SERP2: variants seen among roughly 807,000 people sequenced by gnomAD.
SERP2 encodes stress-associated endoplasmic reticulum protein 2.
Under a neutral mutation model 9.1 loss-of-function variants are expected in SERP2, and 6 were observed. That is an observed-to-expected ratio of 0.66 (90% confidence interval 0.36 to 1.30). The LOEUF (loss-of-function observed/expected upper bound fraction) is 1.30. Ranked by LOEUF, SERP2 falls within the 50% of genes most tolerant of loss-of-function variation. SERP2 has a pLI of 0.03. For missense variants in SERP2, 58 were observed against 81.9 expected (o/e 0.71, Z 1.13); for synonymous variants, 37 against 27.3 (o/e 1.35, Z -1.10).
intron 2 of SERP2, among the ~76,000 whole-genome samples, chr13:44,381,119 C>T (rs576244460): frequency 3.4e-4 from 51 of 152,144 alleles, no homozygotes; most frequent in Middle Eastern, 3.4e-3. Flanking sequence ...TGCCTGTAAT[C>T]CCAGCTACTT....
chr13:44,382,264 G>A (rs755794606), intron 2 of SERP2, among the ~76,000 whole-genome samples: 4 of 151,344 alleles, frequency 2.6e-5, no homozygotes, highest in South Asian at 2.1e-4. Flanking sequence ...ATGAAGCCCC[G>A]TCTCTACTAA....
In SERP2 at chr13:44,397,184, G is replaced by T. The variant is rs537931253; in HGVS notation, c.158-88G>T. The T allele has an allele frequency of 3.3e-5, 33 of 1,013,778 alleles. No individual in the cohort carries two copies. The South Asian group carries it at 3.3e-4, about 10-fold the overall frequency. The allele number at this position is 1,013,778 out of a possible 1,614,324, so 62.8% of individuals were successfully genotyped here. A position where few individuals can be genotyped will look rare whatever the true frequency, so the allele number is the denominator to read the frequency against. ...CTGTGAGCTAACACGTCAGGGCCCAGGGGTCTGCAGAAGCCGGGCTCACTG... is the reference window on the plus strand; with the variant it reads ...CTGTGAGCTAACACGTCAGGGCCCATGGGTCTGCAGAAGCCGGGCTCACTG... On this transcript the variant is annotated intron_variant, in intron 2 of 2. Coordinates refer to ENST00000379179, the MANE Select transcript of SERP2 (RefSeq NM_001010897.3).
At chr13:44,382,436 C>CAAAAAAAAAAAAAAAA (rs71202274) in intron 2 of SERP2, among the ~76,000 whole-genome samples, 1 of 45,666 alleles carries the variant, frequency 2.2e-5, no homozygotes, top group Non-Finnish European at 3.8e-5. Context: ...GACTCCGTCT[C>CAAAAAAAAAAAAAAAA]AAAAAAAAAA....
At chr13:44,396,433 CA>C (rs112700748) in intron 2 of SERP2, among the ~76,000 whole-genome samples, 2,144 of 93,428 alleles carry the variant, frequency 0.023, 25 homozygotes, top group East Asian at 0.045. Flanking sequence ...CACCCTCCTT[CA>C]AAAAAAAAAA....
intron 2 of SERP2, among the ~76,000 whole-genome samples, chr13:44,382,212 C>A (rs1179599350): frequency 2.0e-5 from 3 of 151,324 alleles, no homozygotes; most frequent in African/African-American, 7.3e-5. Flanking sequence ...CCGAGGCGGG[C>A]GGATCATGAG....
chr13:44,392,682 G>C (rs1290859789), intron 2 of SERP2, among the ~76,000 whole-genome samples: 1 of 152,166 alleles, frequency 6.6e-6, no homozygotes, highest in Non-Finnish European at 1.5e-5. Flanking sequence ...AGTTTTAGCA[G>C]TGGGACGAGA....
intron 2 of SERP2, chr13:44,390,296 T>TCCACCCC: frequency 5.3e-6 from 1 of 188,776 alleles, no homozygotes; most frequent in Non-Finnish European, 1.1e-5. Context: ...GCCACCGGTG[T>TCCACCCC]CCCCACCCAC....
chr13:44,374,064 G>A lies in SERP2; in HGVS notation c.39G>A (p.Lys13=). 1 of 1,579,366 alleles carries A rather than the reference G, an allele frequency of 6.3e-7. No individual in the cohort carries two copies. The highest frequency in any genetic ancestry group is 8.6e-7 in the Non-Finnish European group (1 of 1,162,490). Residue 13 remains lysine, a synonymous_variant, in exon 1 of 3, where the codon AAG becomes AAA. Coordinates refer to ENST00000379179, the MANE Select transcript of SERP2 (RefSeq NM_001010897.3). The part of the protein sequence containing the change: ...AKQRIRMANE[K]HSKNITQRGN... ...AGCGGATCCGGATGGCTAACGAGAA[G>A]CACAGCAAAAACATCACCCAGAGGG...
intron 2 of SERP2, among the ~76,000 whole-genome samples, chr13:44,384,287 C>A (rs2138786509): frequency 6.6e-6 from 1 of 152,338 alleles, no homozygotes; most frequent in African/African-American, 2.4e-5. Flanking sequence ...GCAGAACCGA[C>A]TATTCCCTCT....
intron 2 of SERP2, chr13:44,395,818 A>G (rs1403139719): frequency 2.2e-6 from 1 of 457,250 alleles, no homozygotes; most frequent in East Asian, 7.0e-5. Context: ...GCAACAAAAT[A>G]ATAGTACAGG....
At chr13:44,374,186 G>C in intron 1 of SERP2, 77 bp downstream of exon 1, 1 of 862,970 alleles carries the variant, frequency 1.2e-6, no homozygotes, top group South Asian at 2.5e-5. Flanking sequence ...GCGGGGCCGG[G>C]CGGGTAGCGG....
At chr13:44,379,755 G>A (rs533110533) in intron 2 of SERP2, 42 bp downstream of exon 2, 1 of 1,401,784 alleles carries the variant, frequency 7.1e-7, no homozygotes, top group Non-Finnish European at 9.9e-7. Context: ...GTTCTCCACT[G>A]GCCTTTGAAA....
chr13:44,387,655 T>G (rs994028074), intron 2 of SERP2, among the ~76,000 whole-genome samples: 1 of 152,238 alleles, frequency 6.6e-6, no homozygotes, highest in African/African-American at 2.4e-5. Flanking sequence ...ATACCCTACA[T>G]TGACAGGATG....
intron 2 of SERP2, among the ~76,000 whole-genome samples, chr13:44,392,192 GTC>G: frequency 4.2e-3 from 1 of 236 alleles, no homozygotes; most frequent in African/African-American, 0.013. Context: ...GTGAGACTCT[GTC>G]TCAAAAAAAA....
rs1324946021 is a variant in SERP2, at chr13:44,388,436, G to A, written c.157+8723G>A. Among the ~76,000 whole-genome samples, 4 of 152,132 alleles carry A rather than the reference G, an allele frequency of 2.6e-5. No homozygotes were observed. In the East Asian group the frequency reaches 5.8e-4, roughly 22 times the overall value. ...TGCTGGATATTATGACTTTCTCATC[G>A]CCAGAGGGGAGCACACATCTAGACT... On this transcript the variant is annotated intron_variant, in intron 2 of 2. Coordinates refer to ENST00000379179, the MANE Select transcript of SERP2 (RefSeq NM_001010897.3).
intron 2 of SERP2, among the ~76,000 whole-genome samples, chr13:44,384,465 G>C (rs529361997): frequency 1.3e-5 from 2 of 152,116 alleles, no homozygotes; most frequent in Non-Finnish European, 2.9e-5. Context: ...TCGGTGGTCT[G>C]TCTCACCTCT....
chr13:44,396,870 C>T (rs995686510), intron 2 of SERP2, among the ~76,000 whole-genome samples: 1 of 152,234 alleles, frequency 6.6e-6, no homozygotes, highest in African/African-American at 2.4e-5. Flanking sequence ...CATTGTTTTA[C>T]AGGTCACAGC....
At chr13:44,381,386 C>T (rs1017150865) in intron 2 of SERP2, among the ~76,000 whole-genome samples, 4 of 151,518 alleles carry the variant, frequency 2.6e-5, no homozygotes, top group Non-Finnish European at 5.9e-5. Context: ...ACTAAAAATA[C>T]AAAAAATGAG....
At chr13:44,395,046 T>A (rs1873005562) in intron 2 of SERP2, among the ~76,000 whole-genome samples, 1 of 152,230 alleles carries the variant, frequency 6.6e-6, no homozygotes, top group South Asian at 2.1e-4. Context: ...TGATCCTAAC[T>A]TTCTGCTCTA....
Sources: allele counts gnomAD v4.1 joint callset (sites outside exome capture counted in the v4.1 genomes callset), GRCh38; gene constraint gnomAD v4.1.1; transcripts MANE v1.5; gene names NCBI Gene and HGNC (gene_info 2026-07-23, HGNC 2026-07-21).